The following ABCB1 variants were observed in gnomAD, a reference collection of about 807,000 sequenced individuals.
The protein encoded by ABCB1 is ATP-dependent translocase ABCB1.
In ABCB1, 69 loss-of-function variants were observed where a neutral mutation model predicts 142.0. That is an observed-to-expected ratio of 0.49 (90% CI 0.40 to 0.59). ABCB1 has a LOEUF of 0.59. Among genes scored for constraint, ABCB1 ranks in the 20% least tolerant of loss-of-function variants. The pLI is 0.00. For synonymous variants in ABCB1, 532 were observed against 539.2 expected, an observed-to-expected ratio of 0.99 and a Z score of 0.18; for missense variants, 1,326 against 1,554.7, an observed-to-expected ratio of 0.85 and a Z score of 2.47.
intron 1 of ABCB1, among the ~76,000 whole-genome samples, chr7:87,611,875 T>C (rs1321977785): frequency 6.6e-6 from 1 of 152,162 alleles, no homozygotes; most frequent in Non-Finnish European, 1.5e-5. Flanking sequence ...CTAAGAATTT[T>C]ATAACAACTA....
At chr7:87,571,520 A>G (rs1239078055) in intron 4 of ABCB1, among the ~76,000 whole-genome samples, 1 of 151,542 alleles carries the variant, frequency 6.6e-6, no homozygotes, top group Non-Finnish European at 1.5e-5. Flanking sequence ...GCAAATACTT[A>G]TGAGACTTAT....
At chr7:87,689,823 G>T (rs572949139) in intron 1 of ABCB1, among the ~76,000 whole-genome samples, 1 of 151,996 alleles carries the variant, frequency 6.6e-6, no homozygotes, top group African/African-American at 2.4e-5. Context: ...TTTGCTAGAC[G>T]TCTAATGATA....
At chr7:87,515,563 ATTTAT>A (rs756182063) in intron 24 of ABCB1, 135 bp from the exon 25 acceptor site, 9 of 522,098 alleles carry the variant, frequency 1.7e-5, no homozygotes, top group African/African-American at 8.0e-5. Context: ...AACTGCTAGA[ATTTAT>A]TTTATTTTAA....
chr7:87,557,621 T>C (rs936528473), intron 8 of ABCB1, among the ~76,000 whole-genome samples: 1 of 152,250 alleles, frequency 6.6e-6, no homozygotes, highest in Non-Finnish European at 1.5e-5. Flanking sequence ...CATTTGTTTA[T>C]TCTTCTAATT....
At chr7:87,563,334 A>G in intron 7 of ABCB1, 1 of 454,662 alleles carries the variant, frequency 2.2e-6, no homozygotes. Flanking sequence ...TAATCCTGAT[A>G]CCAAAACCTG....
At chr7:87,612,060 T>C (rs1459860652) in intron 1 of ABCB1, among the ~76,000 whole-genome samples, 1 of 152,176 alleles carries the variant, frequency 6.6e-6, no homozygotes, top group Non-Finnish European at 1.5e-5. Context: ...GGTAGTATTA[T>C]GATTATCTTC....
rs1363736965 is a variant in ABCB1, at chr7:87,544,106, A to T, written c.2211+23T>A. On this transcript the variant is annotated intron_variant, in intron 17 of 27. Transcript: ENST00000622132. ...TTCCATCAGGATTCACAAGTAAATC[A>T]CACAAATGGGCATCACACTTACCCC... is the stretch of plus-strand genomic sequence containing the variant. 3.1e-6 allele frequency: 5 copies of T among 1,613,334 alleles called. No individual in the cohort carries two copies. The African/African-American group carries it at 4.0e-5, about 13-fold the overall frequency.
chr7:87,553,822 G>C lies in ABCB1; in HGVS notation c.938C>G (p.Ala313Gly), dbSNP rs979090956. The change falls in exon 9 of 28, where the codon GCC (alanine) becomes GGC (glycine). Residue 313 changes from alanine (A) to glycine (G), a missense_variant. Transcript: ENST00000622132. Reference sequence around the variant, plus strand: ...GACCAAGGTGGTCCCATACCAGAAGGCCAGAGCATAAGATGCATAGATCAG... The same window carrying C: ...GACCAAGGTGGTCCCATACCAGAAGCCCAGAGCATAAGATGCATAGATCAG... ...FLLIYASYAL[A>G]FWYGTTLVLS... The C allele has an allele frequency of 6.2e-7, 1 of 1,614,100 alleles. No individual in the cohort carries two copies.
upstream of ABCB1, chr7:87,603,174 A>T (rs1300962090): frequency 3.9e-5 from 6 of 152,244 alleles, no homozygotes; most frequent in Non-Finnish European, 8.8e-5. Context: ...GATAATAATA[A>T]CAACTAACAT....
At chr7:87,602,070 T>C (rs886836530), upstream of ABCB1, among the ~76,000 whole-genome samples, 4 of 152,130 alleles carry the variant, frequency 2.6e-5, no homozygotes, top group Admixed American at 2.6e-4. Context: ...CTCGGCTCAC[T>C]GCAAGCTCCG....
intron 1 of ABCB1, among the ~76,000 whole-genome samples, chr7:87,638,418 G>A (rs1353089683): frequency 6.6e-6 from 1 of 151,334 alleles, no homozygotes; most frequent in African/African-American, 2.4e-5. Flanking sequence ...GTGTAAGACT[G>A]ATATTTCTTT....
At chr7:87,651,567 A>G (rs961196121) in intron 1 of ABCB1, among the ~76,000 whole-genome samples, 1 of 152,160 alleles carries the variant, frequency 6.6e-6, no homozygotes, top group Non-Finnish European at 1.5e-5. Context: ...ACTTTATCAC[A>G]TTAATCCCAT....
In ABCB1 at chr7:87,503,858, T is replaced by A. The variant is rs1385038381; in HGVS notation, c.*385A>T. 7.5e-6 allele frequency: 2 copies of A among 265,418 alleles called. No homozygotes were observed. Among genetic ancestry groups the A allele is most frequent in the Non-Finnish European group, 1.5e-5 (2 of 136,652 alleles). The allele number at this position is 265,418 out of a possible 1,614,324, so 16.4% of individuals were successfully genotyped here. A position where few individuals can be genotyped will look rare whatever the true frequency, so the allele number is the denominator to read the frequency against. On this transcript the variant is annotated 3_prime_UTR_variant, in exon 28 of 28. Transcript: ENST00000622132. ...TCACAGGCAGTTTGGACAAGATGAC[T>A]CCAGTCACATGAAAGTTTAGTTTTA...
chr7:87,681,073 A>G (rs1322481728), intron 1 of ABCB1, among the ~76,000 whole-genome samples: 1 of 150,650 alleles, frequency 6.6e-6, no homozygotes, highest in Non-Finnish European at 1.5e-5. Flanking sequence ...TTCAAAGGAT[A>G]AAAAGTTAAT....
intron 1 of ABCB1, among the ~76,000 whole-genome samples, chr7:87,629,515 G>T (rs746565311): frequency 5.9e-5 from 9 of 152,140 alleles, no homozygotes; most frequent in African/African-American, 9.7e-5. Flanking sequence ...TTAAGAGTGG[G>T]ACTGTGGAGG....
chr7:87,582,239 C>T (rs1818540037), intron 4 of ABCB1, among the ~76,000 whole-genome samples: 2 of 152,170 alleles, frequency 1.3e-5, no homozygotes, highest in South Asian at 4.2e-4. Flanking sequence ...GAAATGGTTT[C>T]ATCTGTTACA....
chr7:87,631,292 G>T (rs1821192173), intron 1 of ABCB1, among the ~76,000 whole-genome samples: 1 of 152,194 alleles, frequency 6.6e-6, no homozygotes, highest in African/African-American at 2.4e-5. Flanking sequence ...TAAGAAAAAT[G>T]AATAAAGCAG....
intron 1 of ABCB1, among the ~76,000 whole-genome samples, chr7:87,663,053 C>G (rs148314101): frequency 5.8e-4 from 88 of 152,104 alleles, no homozygotes; most frequent in African/African-American, 2.0e-3. Flanking sequence ...TCACTGTTGG[C>G]ATATAGGAAA....
chr7:87,684,964 A>G (rs1354680013), intron 1 of ABCB1, among the ~76,000 whole-genome samples: 1 of 152,126 alleles, frequency 6.6e-6, no homozygotes, highest in East Asian at 1.9e-4. Flanking sequence ...GGTGGGTTAT[A>G]GGTGTAAACA....
Sources: gnomAD v4.1 joint callset for allele counts (sites outside exome capture counted in the v4.1 genomes callset) on GRCh38, gnomAD v4.1.1 for gene constraint, MANE v1.5 for transcripts, NCBI Gene and HGNC (gene_info 2026-07-23, HGNC 2026-07-21) for gene names.